Variants in ESCO1 observed in about 807,000 individuals in gnomAD.
ESCO1 encodes the protein establishment of sister chromatid cohesion N-acetyltransferase 1.
A neutral mutation model predicts 83.5 loss-of-function variants in ESCO1; 33 were observed. The ratio of observed to expected loss-of-function variants is 0.40; its 90% confidence interval spans 0.30 to 0.53. The LOEUF is 0.53. ESCO1 is among the 20% of genes least tolerant of loss of function. The probability of loss-of-function intolerance (pLI) is 0.63; values close to 1 mark genes in which losing one functional copy is unlikely to be tolerated. For synonymous variants in ESCO1, 332 were observed against 324.3 expected (o/e 1.02, Z -0.25); for missense variants, 855 against 968.0 (o/e 0.88, Z 1.55).
intron 8 of ESCO1, among the ~76,000 whole-genome samples, chr18:21,548,470 G>C (rs1336657599): frequency 2.0e-5 from 3 of 152,036 alleles, no homozygotes; most frequent in Non-Finnish European, 4.4e-5. Context: ...ACTCCAGCCT[G>C]GGCAACAAAG....
chr18:21,567,372 C>T (rs568649612), intron 5 of ESCO1, among the ~76,000 whole-genome samples: 73 of 152,118 alleles, frequency 4.8e-4, no homozygotes, highest in African/African-American at 1.7e-3. Context: ...ACCACATTGG[C>T]CAGGCTGGTC....
At chr18:21,552,922 T>C (rs1279523178) in intron 8 of ESCO1, among the ~76,000 whole-genome samples, 1 of 152,224 alleles carries the variant, frequency 6.6e-6, no homozygotes, top group Non-Finnish European at 1.5e-5. Context: ...ATTTTAAGTA[T>C]ACCAAAGGCA....
Position 21,596,396 on chromosome 18 carries a change from CTG to C in ESCO1, c.-825+4225_-825+4226del, listed in dbSNP as rs199874331. ...TTTAATTTACCCTCTGAGTTTTTAT[CTG>C]TGAGAATCTTACGTATGCTGCCATA... On this transcript the variant is annotated intron_variant, in intron 1 of 11. Coordinates refer to ENST00000269214, the MANE Select transcript of ESCO1 (RefSeq NM_052911.3). 8.0e-3 allele frequency among the ~76,000 whole-genome samples: 1,216 copies of C among 152,250 alleles called. 19 individuals are homozygous for C. Among genetic ancestry groups the C allele is most frequent in the African/African-American group, 0.028 (1,171 of 41,548 alleles).
intron 10 of ESCO1, among the ~76,000 whole-genome samples, chr18:21,533,175 T>TA (rs903852133): frequency 2.3e-4 from 35 of 149,124 alleles, no homozygotes; most frequent in South Asian, 8.5e-4. Flanking sequence ...GCAATCTCTT[T>TA]AAAAAAAAAA....
chr18:21,544,468 A>C (rs573055464), intron 8 of ESCO1, among the ~76,000 whole-genome samples: 116 of 151,288 alleles, frequency 7.7e-4, no homozygotes, highest in Middle Eastern at 3.4e-3. Context: ...AAAAACAAAA[A>C]AAAAACAAAA....
chr18:21,533,203 A>T (rs2037789718), intron 10 of ESCO1, among the ~76,000 whole-genome samples: 2 of 152,144 alleles, frequency 1.3e-5, no homozygotes, highest in Non-Finnish European at 1.5e-5. Context: ...AAAAACATAT[A>T]TCTCTTTTAT....
At chr18:21,580,658 T>C (rs547496010) in intron 2 of ESCO1, among the ~76,000 whole-genome samples, 5 of 152,208 alleles carry the variant, frequency 3.3e-5, no homozygotes, top group African/African-American at 1.2e-4. Context: ...TGAATAAATA[T>C]AAGTATAAAT....
Position 21,560,952 on chromosome 18 carries a change from A to G in ESCO1, c.1860T>C (p.Asn620=), listed in dbSNP as rs374334812. The G allele has an allele frequency of 1.9e-5, 31 of 1,600,696 alleles. No individual in the cohort carries two copies. Among genetic ancestry groups the G allele is most frequent in the Middle Eastern group, 1.7e-4 (1 of 5,748 alleles). The part of the protein sequence containing the change: ...GQKRFGAVSC[N]VCGMLYTASN... ...AAGCTGTATACAGCATTCCACAAAC[A>G]TTACAAGAAACTGCTCCAAATCTTT... Residue 620 remains asparagine (N), a synonymous_variant, in exon 8 of 12, where the codon AAT becomes AAC. Transcript: ENST00000269214.
Position 21,529,804 on chromosome 18 carries a change from G to A in ESCO1, c.*539C>T, listed in dbSNP as rs45579846. 22,644 of 152,306 alleles carry A rather than the reference G, an allele frequency of 0.15. 1,911 individuals are homozygous for A. The highest frequency in any genetic ancestry group is 0.27 in the Middle Eastern group (78 of 292). 9.4% of individuals were successfully genotyped at this position (152,306 alleles called of 1,614,324 possible). On this transcript the variant is annotated 3_prime_UTR_variant, in exon 12 of 12. Transcript: ENST00000269214. ...TTAGCTGGAGCTTTCCTTTTCTATA[G>A]GGGTTTCTTCAAAGTATAGTTCAGG...
chr18:21,560,474 C>T (rs886883836), intron 8 of ESCO1, among the ~76,000 whole-genome samples: 6 of 151,606 alleles, frequency 4.0e-5, no homozygotes, highest in African/African-American at 1.2e-4. Context: ...ATACCTATCA[C>T]GATCAATCTC....
At chr18:21,560,793 C>A (rs1598463517) in intron 8 of ESCO1, 66 bp downstream of exon 8, 1 of 1,559,086 alleles carries the variant, frequency 6.4e-7, no homozygotes, top group Admixed American at 2.1e-5. Context: ...TTTGGCAACT[C>A]ATCTCATTAA....
At chr18:21,584,975 A>C (rs1423939866) in intron 1 of ESCO1, among the ~76,000 whole-genome samples, 2 of 152,076 alleles carry the variant, frequency 1.3e-5, no homozygotes, top group African/African-American at 4.8e-5. Context: ...CCCCGTCTCT[A>C]CTAAAAAAAT....
chr18:21,540,610 G>C, intron 8 of ESCO1: 1 of 1,339,644 alleles, frequency 7.5e-7, no homozygotes, highest in Non-Finnish European at 9.8e-7. Flanking sequence ...GAGAAGCTAC[G>C]TTGTGTGTAT....
Position 21,540,830 on chromosome 18 carries a change from G to C in ESCO1, c.1954-821C>G, listed in dbSNP as rs1453026545. 8 of 791,382 alleles carry C rather than the reference G, an allele frequency of 1.0e-5. No homozygotes were observed. In the African/African-American group the frequency reaches 1.5e-4, roughly 15 times the overall value. 49.0% of individuals were successfully genotyped at this position (791,382 alleles called of 1,614,324 possible). A position where few individuals can be genotyped will look rare whatever the true frequency, so the allele number is the denominator to read the frequency against. ...GGAATGAGCTTAACTAGTTGTTCCAGTTGTCTTAACCCAACCAACTTTACA... is the reference window on the plus strand; with the variant it reads ...GGAATGAGCTTAACTAGTTGTTCCACTTGTCTTAACCCAACCAACTTTACA... On this transcript the variant is annotated intron_variant, in intron 8 of 11. Transcript: ENST00000269214.
intron 8 of ESCO1, among the ~76,000 whole-genome samples, chr18:21,540,240 T>A (rs776567620): frequency 1.4e-4 from 21 of 152,156 alleles, no homozygotes; most frequent in Non-Finnish European, 2.9e-4. Context: ...TTCAGAGATA[T>A]ATCTAATACC....
In ESCO1 at chr18:21,562,490, A is replaced by T. The variant is rs1181349166; in HGVS notation, c.1822-1500T>A. On this transcript the variant is annotated intron_variant, in intron 7 of 11. Transcript: ENST00000269214. ...TACAAAAAAAAAAAAAAAATTAACAATTAGCTGTGTGTGGTGACGCATGTC... is the reference window on the plus strand; with the variant it reads ...TACAAAAAAAAAAAAAAAATTAACATTTAGCTGTGTGTGGTGACGCATGTC... Among the ~76,000 whole-genome samples the T allele has an allele frequency of 7.3e-5, 11 of 151,268 alleles. No homozygotes were observed. In the East Asian group the frequency reaches 2.0e-3, roughly 27 times the overall value.
chr18:21,574,289 G>A lies in ESCO1; in HGVS notation c.555C>T (p.Asp185=). 1 of 1,613,718 alleles carries A rather than the reference G, an allele frequency of 6.2e-7. No homozygotes were observed. The highest frequency in any genetic ancestry group is 8.5e-7 in the Non-Finnish European group (1 of 1,179,980). Reference sequence around the variant, plus strand: ...TTACTAGATTTTCATCTTCTTTAGAGTCAGACTTTACTTCCAGTACTTTTC... The same window carrying A: ...TTACTAGATTTTCATCTTCTTTAGAATCAGACTTTACTTCCAGTACTTTTC... The part of the protein sequence containing the change: ...VKRKVLEVKS[D]SKEDENLVIN... Residue 185 remains aspartate (D), a synonymous_variant, in exon 4 of 12, where the codon GAC becomes GAT. Transcript: ENST00000269214.
intron 5 of ESCO1, among the ~76,000 whole-genome samples, 198 bp from the exon 6 acceptor site, chr18:21,566,404 C>T (rs1487622878): frequency 6.6e-6 from 1 of 152,164 alleles, no homozygotes; most frequent in African/African-American, 2.4e-5. Context: ...CTGTCTCATA[C>T]TCAGACTACA....
chr18:21,581,284 G>A (rs1265728225), intron 2 of ESCO1, among the ~76,000 whole-genome samples: 2 of 151,458 alleles, frequency 1.3e-5, no homozygotes, highest in Non-Finnish European at 2.9e-5. Flanking sequence ...CTGCACCACT[G>A]CACTCCAGCC....
Sources: allele counts gnomAD v4.1 joint callset (sites outside exome capture counted in the v4.1 genomes callset), GRCh38; gene constraint gnomAD v4.1.1; transcripts MANE v1.5; gene names NCBI Gene and HGNC (gene_info 2026-07-23, HGNC 2026-07-21).